The following SORCS3 variants were observed in gnomAD, a reference collection of about 807,000 sequenced individuals.
The protein encoded by SORCS3 is VPS10 domain-containing receptor SorCS3.
SORCS3 carries 57 observed loss-of-function variants against 146.3 expected under a neutral mutation model. The observed-to-expected ratio is 0.39, with a 90% CI of 0.31 to 0.49. SORCS3 has a LOEUF of 0.49. SORCS3 is among the 20% of genes least tolerant of loss of function. SORCS3 has a pLI of 0.92. For missense variants in SORCS3, 1,341 were observed against 1,575.5 expected, an observed-to-expected ratio of 0.85 and a Z score of 2.52; for synonymous variants, 653 against 618.5, an observed-to-expected ratio of 1.06 and a Z score of -0.83.
intron 3 of SORCS3, among the ~76,000 whole-genome samples, chr10:104,935,071 A>G (rs2019247009): frequency 1.3e-5 from 2 of 152,300 alleles, no homozygotes; most frequent in South Asian, 2.1e-4. Flanking sequence ...AGCCCATGAC[A>G]TTCTTACTGT....
At chr10:104,842,279 C>T (rs1224861047) in intron 1 of SORCS3, among the ~76,000 whole-genome samples, 1 of 152,218 alleles carries the variant, frequency 6.6e-6, no homozygotes, top group Non-Finnish European at 1.5e-5. Context: ...GGCCTGTCTG[C>T]ATTCAGGTAT....
At chr10:104,860,419 TGAGGTGG>T (rs1258696259) in intron 2 of SORCS3, among the ~76,000 whole-genome samples, 6 of 72,220 alleles carry the variant, frequency 8.3e-5, no homozygotes, top group Non-Finnish European at 1.6e-4. Context: ...GGGACTGTTG[TGAGGTGG>T]GGGGAGGGGG....
intron 7 of SORCS3, among the ~76,000 whole-genome samples, chr10:105,124,657 T>C (rs2055959835): frequency 6.6e-6 from 1 of 152,222 alleles, no homozygotes; most frequent in Non-Finnish European, 1.5e-5. Context: ...TCTGATTCTT[T>C]AATCTCCATG....
intron 2 of SORCS3, among the ~76,000 whole-genome samples, chr10:104,879,094 T>C (rs1245395644): frequency 1.3e-5 from 2 of 152,248 alleles, no homozygotes; most frequent in Non-Finnish European, 2.9e-5. Context: ...CAGATTATGA[T>C]GGATCAGCAT....
chr10:104,765,933 A>G (rs1240199898), intron 1 of SORCS3, among the ~76,000 whole-genome samples: 5 of 152,104 alleles, frequency 3.3e-5, no homozygotes, highest in East Asian at 1.9e-4. Flanking sequence ...CTGCCTTACT[A>G]TGTTCCCACA....
chr10:104,810,191 GT>G (rs902272194), intron 1 of SORCS3, among the ~76,000 whole-genome samples: 1 of 152,112 alleles, frequency 6.6e-6, no homozygotes, highest in Non-Finnish European at 1.5e-5. Context: ...TTTTATAATA[GT>G]TTTTTTCTGA....
intron 1 of SORCS3, among the ~76,000 whole-genome samples, chr10:104,839,931 A>T (rs751557305): frequency 3.3e-5 from 5 of 152,196 alleles, no homozygotes; most frequent in Non-Finnish European, 5.9e-5. Flanking sequence ...GGCTGGGAGC[A>T]TCTCAGACTG....
At chr10:104,846,835 G>T (rs1286525034) in intron 2 of SORCS3, among the ~76,000 whole-genome samples, 1 of 152,076 alleles carries the variant, frequency 6.6e-6, no homozygotes, top group Non-Finnish European at 1.5e-5. Context: ...TGAGGTTGGG[G>T]ACTGACTTGT....
intron 3 of SORCS3, among the ~76,000 whole-genome samples, chr10:104,928,302 C>A (rs1351700439): frequency 6.6e-6 from 1 of 152,112 alleles, no homozygotes. Flanking sequence ...TGTTAAGCAT[C>A]CCACTCTGTC....
chr10:104,831,162 ACT>A (rs2017996407), intron 1 of SORCS3, among the ~76,000 whole-genome samples: 1 of 152,098 alleles, frequency 6.6e-6, no homozygotes, highest in African/African-American at 2.4e-5. Flanking sequence ...GGATACTGTC[ACT>A]CTCTATCAAG....
intron 6 of SORCS3, among the ~76,000 whole-genome samples, 162 bp from the exon 7 acceptor site, chr10:105,105,235 T>A (rs1316370997): frequency 1.3e-5 from 2 of 152,216 alleles, no homozygotes; most frequent in Non-Finnish European, 2.9e-5. Flanking sequence ...ATATTACGAT[T>A]TTTTGGGAAT....
chr10:104,791,525 A>G (rs763927124), intron 1 of SORCS3, among the ~76,000 whole-genome samples: 6 of 152,196 alleles, frequency 3.9e-5, no homozygotes, highest in Admixed American at 6.5e-5. Context: ...TCTCTAGTTG[A>G]TGGCAGCCCA....
At chr10:105,157,783 T>C (rs1376189732) in intron 10 of SORCS3, among the ~76,000 whole-genome samples, 1 of 152,148 alleles carries the variant, frequency 6.6e-6, no homozygotes, top group Non-Finnish European at 1.5e-5. Flanking sequence ...GAAGACATGA[T>C]GTGTGAGATG....
chr10:104,747,955 T>G (rs2016930345), intron 1 of SORCS3, among the ~76,000 whole-genome samples: 1 of 152,234 alleles, frequency 6.6e-6, no homozygotes, highest in African/African-American at 2.4e-5. Flanking sequence ...TTCTTCATCT[T>G]TAAGTGGGAA....
chr10:105,223,381 A>G (rs944263393), intron 20 of SORCS3, 132 bp downstream of exon 20: 4 of 819,674 alleles, frequency 4.9e-6, no homozygotes, highest in Non-Finnish European at 7.1e-6. Context: ...TGAGCCCACA[A>G]AATTGAATAA....
At chr10:104,883,981 G>GGA (rs1043396520) in intron 2 of SORCS3, among the ~76,000 whole-genome samples, 1 of 151,634 alleles carries the variant, frequency 6.6e-6, no homozygotes, top group Middle Eastern at 3.2e-3. Context: ...GGAATGAGGG[G>GGA]GGGGAAAGGG....
At chr10:105,242,176 T>C (rs148549494) in intron 20 of SORCS3, among the ~76,000 whole-genome samples, 144 of 149,858 alleles carry the variant, frequency 9.6e-4, no homozygotes, top group Non-Finnish European at 1.7e-3. Flanking sequence ...CCATTTTACA[T>C]TTCCACCAAA....
At position 105,255,763 on chromosome 10, in the gene SORCS3, GGGT is replaced by G; in HGVS notation, c.3300_3302del (p.Val1101del). 1.2e-6 allele frequency: 2 copies of G among 1,613,876 alleles called. No individual in the cohort carries two copies. Among genetic ancestry groups the G allele is most frequent in the Non-Finnish European group, 1.7e-6 (2 of 1,179,930 alleles). ...TTGGTCCAGTTTGAGCTGAAGCCGG[GGGT>G]ACAAGTCATTGTGTATGTCACACAG... On this transcript the variant is annotated inframe_deletion, in exon 24 of 27. Coordinates refer to ENST00000369701, the MANE Select transcript of SORCS3 (RefSeq NM_014978.3).
Position 104,829,691 on chromosome 10 carries a change from T to A in SORCS3, c.628-13101T>A, listed in dbSNP as rs575369827. On this transcript the variant is annotated intron_variant, in intron 1 of 26. Coordinates refer to ENST00000369701, the MANE Select transcript of SORCS3 (RefSeq NM_014978.3). ...TAGTTCAAAGGCCTTTGAGGCCATC[T>A]AGTAGCCAAATCCAATGGTTGATTT... Among the ~76,000 whole-genome samples, 3 of 152,260 alleles carry A rather than the reference T, an allele frequency of 2.0e-5. No homozygotes were observed. In the South Asian group the frequency reaches 6.2e-4, roughly 32 times the overall value.
Sources: gnomAD v4.1 joint callset for allele counts (sites outside exome capture counted in the v4.1 genomes callset) on GRCh38, gnomAD v4.1.1 for gene constraint, MANE v1.5 for transcripts, NCBI Gene and HGNC (gene_info 2026-07-23, HGNC 2026-07-21) for gene names.